The following CRBN variants were observed in gnomAD, a reference collection of about 807,000 sequenced individuals.
The protein encoded by CRBN is cereblon.
CRBN carries 53 observed loss-of-function variants against 62.2 expected under a neutral mutation model. The observed-to-expected ratio is 0.85, with a 90% CI of 0.68 to 1.07. The LOEUF is 1.07. Among genes scored for constraint, CRBN ranks in the 50% least tolerant of loss-of-function variants. The probability of loss-of-function intolerance (pLI) is 0.00; values close to 1 mark genes in which losing one functional copy is unlikely to be tolerated. For synonymous variants in CRBN, 208 were observed against 176.1 expected, an observed-to-expected ratio of 1.18 and a Z score of -1.43; for missense variants, 616 against 531.1, an observed-to-expected ratio of 1.16 and a Z score of -1.57.
At chr3:3,168,659 T>C (rs922044653) in intron 4 of CRBN, among the ~76,000 whole-genome samples, 4 of 152,192 alleles carry the variant, frequency 2.6e-5, no homozygotes, top group African/African-American at 9.6e-5. Context: ...ACTTCTAAAG[T>C]AGTCTTTCAT....
chr3:3,153,501 A>T lies in CRBN; in HGVS notation c.952-13T>A, dbSNP rs760603312. ...AAAGGGAAGTACACTAAAAGATTTG[A>T]GAGAAAAATTATTGGTAGGAAAAAC... On this transcript the variant is annotated splice_polypyrimidine_tract_variant and intron_variant, in intron 8 of 10. Transcript: ENST00000231948. The T allele has an allele frequency of 3.3e-6, 5 of 1,507,866 alleles. No homozygotes were observed. In the African/African-American group the frequency reaches 5.5e-5, roughly 17 times the overall value. The allele number at this position is 1,507,866 out of a possible 1,614,324, so 93.4% of individuals were successfully genotyped here. A position where few individuals can be genotyped will look rare whatever the true frequency, so the allele number is the denominator to read the frequency against.
intron 6 of CRBN, chr3:3,155,152 C>T (rs1672769): frequency 0.95 from 331,220 of 347,258 alleles, 159,879 homozygotes; most frequent in East Asian, 1. Context: ...CATTTCTGAC[C>T]CAGTCCATAG....
At chr3:3,161,343 A>T (rs983667990) in intron 5 of CRBN, among the ~76,000 whole-genome samples, 1 of 152,216 alleles carries the variant, frequency 6.6e-6, no homozygotes, top group African/African-American at 2.4e-5. Flanking sequence ...GAGAAATTCA[A>T]ATTGAACCTT....
In CRBN at chr3:3,150,029, G is replaced by A. The variant is rs933179377; in HGVS notation, c.*836C>T. The A allele has an allele frequency of 6.6e-6, 1 of 151,980 alleles. No individual in the cohort carries two copies. 9.4% of individuals were successfully genotyped at this position (151,980 alleles called of 1,614,324 possible). Reference sequence around the variant, plus strand: ...GAACATGTTTAGTTTCACACTTAAGGTTTACTTACTTACAGATTTTCTTCA... The same window carrying A: ...GAACATGTTTAGTTTCACACTTAAGATTTACTTACTTACAGATTTTCTTCA... On this transcript the variant is annotated 3_prime_UTR_variant, in exon 11 of 11. Coordinates refer to ENST00000231948, the MANE Select transcript of CRBN (RefSeq NM_016302.4).
chr3:3,176,475 C>T (rs1284839905), intron 1 of CRBN, among the ~76,000 whole-genome samples: 2 of 152,200 alleles, frequency 1.3e-5, no homozygotes, highest in Non-Finnish European at 2.9e-5. Flanking sequence ...GTGGCTCACA[C>T]CTGTAATCCC....
At chr3:3,165,001 G>GA (rs1707273864) in intron 5 of CRBN, among the ~76,000 whole-genome samples, 1 of 152,102 alleles carries the variant, frequency 6.6e-6, no homozygotes, top group Non-Finnish European at 1.5e-5. Context: ...ACCTTAACAG[G>GA]AATTTAGAAG....
chr3:3,156,442 T>C (rs1706896528), intron 5 of CRBN, 161 bp from the exon 6 acceptor site: 4 of 636,598 alleles, frequency 6.3e-6, no homozygotes, highest in Non-Finnish European at 8.4e-6. Flanking sequence ...ATCTATGAAG[T>C]GTGAAATCAT....
chr3:3,167,844 C>G, intron 4 of CRBN, 51 bp from the exon 5 acceptor site: 2 of 1,556,674 alleles, frequency 1.3e-6, no homozygotes, highest in Non-Finnish European at 1.8e-6. Flanking sequence ...TTGACTAACT[C>G]AAAACTATAA....
rs773568119 is a variant in CRBN at position 3,150,868 on chromosome 3, C to T, written c.1326G>A (p.Leu442=). ...EISPDKVILC[L] is the part of the protein sequence containing the mutation. The stretch of plus-strand genomic sequence containing the variant: ...ACTTTATCTCTATCACATCTGTTTA[C>T]AAGCAAAGTATTACTTTGTCTGGAC... The change falls in exon 11 of 11, where the codon TTG becomes TTA. Residue 442 remains leucine, a synonymous_variant. Coordinates refer to ENST00000231948, the MANE Select transcript of CRBN (RefSeq NM_016302.4). 4 of 1,613,222 alleles carry T rather than the reference C, an allele frequency of 2.5e-6. No individual in the cohort carries two copies. Among genetic ancestry groups the T allele is most frequent in the South Asian group, 2.2e-5 (2 of 91,024 alleles).
At chr3:3,175,891 T>C (rs1159577397) in intron 1 of CRBN, among the ~76,000 whole-genome samples, 1 of 152,162 alleles carries the variant, frequency 6.6e-6, no homozygotes, top group Non-Finnish European at 1.5e-5. Flanking sequence ...GTTATTCTTT[T>C]CCTTTTTAGA....
chr3:3,158,942 A>C (rs1318551652), intron 5 of CRBN, among the ~76,000 whole-genome samples: 2 of 152,118 alleles, frequency 1.3e-5, no homozygotes, highest in African/African-American at 4.8e-5. Context: ...GGGGACAGTT[A>C]CTGCCATGGT....
At position 3,154,701 on chromosome 3, in the gene CRBN, A is replaced by G. The variant is rs1346434073; in HGVS notation, c.835+46T>C. 5.8e-6 allele frequency: 6 copies of G among 1,034,528 alleles called. No homozygotes were observed. In the Admixed American group the frequency reaches 8.4e-5, roughly 15 times the overall value. The allele number at this position is 1,034,528 out of a possible 1,614,324, so 64.1% of individuals were successfully genotyped here. A position where few individuals can be genotyped will look rare whatever the true frequency, so the allele number is the denominator to read the frequency against. ...CGCATCCATGAAAAAGCTATTTTTT[A>G]TAGCAAGACATCCCAGGCTCCAGGC... On this transcript the variant is annotated intron_variant, in intron 7 of 10. Transcript: ENST00000231948.
intron 6 of CRBN, chr3:3,155,056 A>C: frequency 1.8e-6 from 1 of 561,934 alleles, no homozygotes; most frequent in Non-Finnish European, 3.2e-6. Context: ...GTCTTAACCC[A>C]GCGGTATATG....
rs1706447942 is a variant in CRBN, at chr3:3,150,509, G to GAATT, written c.*352_*355dup. The GAATT allele has an allele frequency of 4.7e-6, 1 of 211,856 alleles. No homozygotes were observed. The highest frequency in any genetic ancestry group is 2.4e-5 in the African/African-American group (1 of 41,026). 13.1% of individuals were successfully genotyped at this position (211,856 alleles called of 1,614,324 possible). A position where few individuals can be genotyped will look rare whatever the true frequency, so the allele number is the denominator to read the frequency against. On this transcript the variant is annotated 3_prime_UTR_variant, in exon 11 of 11. Transcript: ENST00000231948. ...TATTAGTTTCAGTTTCACATTGTAG[G>GAATT]AATTTAAGATTTTTTTTTTTTTTAA...
intron 5 of CRBN, among the ~76,000 whole-genome samples, chr3:3,161,179 A>C (rs1389201969): frequency 1.3e-5 from 2 of 152,196 alleles, no homozygotes; most frequent in Non-Finnish European, 2.9e-5. Context: ...ACAAAAGACA[A>C]ACTAGGAAAA....
intron 1 of CRBN, among the ~76,000 whole-genome samples, chr3:3,179,187 T>G (rs915811493): frequency 1.3e-5 from 2 of 152,168 alleles, no homozygotes; most frequent in African/African-American, 2.4e-5. Flanking sequence ...AAAGGCGACA[T>G]GCATGCAAAG....
chr3:3,154,947 CAGT>C, intron 6 of CRBN, 116 bp from the exon 7 acceptor site: 1 of 706,882 alleles, frequency 1.4e-6, no homozygotes, highest in Non-Finnish European at 2.6e-6. Context: ...AGTCCCATCT[CAGT>C]CCCAGTTTAA....
At chr3:3,171,263 A>C (rs1401619765) in intron 4 of CRBN, among the ~76,000 whole-genome samples, 1 of 152,194 alleles carries the variant, frequency 6.6e-6, no homozygotes, top group Admixed American at 6.5e-5. Context: ...AATTTTCCTT[A>C]ATGATTTCTA....
intron 6 of CRBN, 48 bp from the exon 7 acceptor site, chr3:3,154,879 A>C: frequency 1.9e-6 from 2 of 1,038,100 alleles, no homozygotes; most frequent in Non-Finnish European, 3.1e-6. Flanking sequence ...GGCTTATTAA[A>C]ATTTACTATT....
Sources: allele counts gnomAD v4.1 joint callset (sites outside exome capture counted in the v4.1 genomes callset), GRCh38; gene constraint gnomAD v4.1.1; transcripts MANE v1.5; gene names NCBI Gene and HGNC (gene_info 2026-07-23, HGNC 2026-07-21).